The following CNTNAP2 variants were observed in gnomAD, a reference collection of about 807,000 sequenced individuals.
CNTNAP2 encodes the protein contactin-associated protein-like 2.
A neutral mutation model predicts 155.2 loss-of-function variants in CNTNAP2; 98 were observed. The ratio of observed to expected loss-of-function variants is 0.63; its 90% CI spans 0.54 to 0.75. CNTNAP2 has a LOEUF of 0.75. Ranked by LOEUF, CNTNAP2 falls within the 30% of genes least tolerant of loss-of-function variation. The pLI, the probability that CNTNAP2 is intolerant of heterozygous loss-of-function variation, is 0.00. For synonymous variants in CNTNAP2, 651 were observed against 631.2 expected (o/e 1.03, Z -0.47); for missense variants, 1,727 against 1,688.1 (o/e 1.02, Z -0.40).
chr7:147,302,036 T>C (rs1036827402), intron 9 of CNTNAP2, among the ~76,000 whole-genome samples: 4 of 152,308 alleles, frequency 2.6e-5, no homozygotes, highest in African/African-American at 9.6e-5. Context: ...AGACTCTCAA[T>C]AAATATTTGA....
At chr7:146,246,241 T>G (rs376054652) in intron 1 of CNTNAP2, among the ~76,000 whole-genome samples, 45,747 of 146,352 alleles carry the variant, frequency 0.31, 7,405 homozygotes, top group Middle Eastern at 0.41. Flanking sequence ...TAAGGTGGGG[T>G]AATACAAGAG....
At chr7:146,299,310 A>G (rs1228800350) in intron 1 of CNTNAP2, among the ~76,000 whole-genome samples, 1 of 152,122 alleles carries the variant, frequency 6.6e-6, no homozygotes, top group Non-Finnish European at 1.5e-5. Context: ...TAATACACAC[A>G]GTGTTCTTAG....
At chr7:146,958,386 T>TC (rs1797481499) in intron 3 of CNTNAP2, among the ~76,000 whole-genome samples, 2 of 151,610 alleles carry the variant, frequency 1.3e-5, no homozygotes, top group African/African-American at 4.8e-5. Flanking sequence ...TGCTTTTTTT[T>TC]CTTCACAACA....
intron 10 of CNTNAP2, among the ~76,000 whole-genome samples, chr7:147,419,577 GA>G (rs1318023911): frequency 3.3e-5 from 5 of 152,120 alleles, no homozygotes; most frequent in Admixed American, 2.6e-4. Flanking sequence ...GAGACCAAGG[GA>G]AAAAGAAGGC....
intron 3 of CNTNAP2, among the ~76,000 whole-genome samples, chr7:146,962,732 G>A (rs1425811759): frequency 6.6e-6 from 1 of 152,136 alleles, no homozygotes; most frequent in Non-Finnish European, 1.5e-5. Context: ...TGTATTTTTA[G>A]TAGAGACAGG....
chr7:148,319,556 C>T (rs1159387016), intron 21 of CNTNAP2, among the ~76,000 whole-genome samples: 1 of 152,080 alleles, frequency 6.6e-6, no homozygotes, highest in Non-Finnish European at 1.5e-5. Context: ...GAATGGCAGA[C>T]ACGCAATTGA....
intron 13 of CNTNAP2, among the ~76,000 whole-genome samples, chr7:147,883,850 TGGACA>T (rs1344572950): frequency 2.0e-5 from 3 of 152,216 alleles, no homozygotes; most frequent in Non-Finnish European, 4.4e-5. Flanking sequence ...CACCTAACTA[TGGACA>T]GGTGCTATTT....
At chr7:146,908,051 A>G (rs1327812241) in intron 3 of CNTNAP2, among the ~76,000 whole-genome samples, 4 of 152,144 alleles carry the variant, frequency 2.6e-5, no homozygotes, top group African/African-American at 9.7e-5. Context: ...AAAGAGACAA[A>G]GAAGGCCATT....
chr7:146,328,602 T>C (rs900417376), intron 1 of CNTNAP2, among the ~76,000 whole-genome samples: 2 of 151,906 alleles, frequency 1.3e-5, no homozygotes, highest in African/African-American at 4.8e-5. Flanking sequence ...CAATATATCA[T>C]TAACTAGTCA....
At chr7:146,259,759 A>G (rs1275286793) in intron 1 of CNTNAP2, among the ~76,000 whole-genome samples, 1 of 152,200 alleles carries the variant, frequency 6.6e-6, no homozygotes, top group Non-Finnish European at 1.5e-5. Context: ...GCAGAGCATA[A>G]AAGTTTGGAA....
intron 20 of CNTNAP2, among the ~76,000 whole-genome samples, chr7:148,250,971 C>T (rs770272287): frequency 3.7e-4 from 56 of 152,154 alleles, no homozygotes; most frequent in Non-Finnish European, 1.5e-4. Context: ...CCTCAGCCTC[C>T]CAAAGTGCTG....
At chr7:146,450,727 T>C (rs1796466717) in intron 1 of CNTNAP2, among the ~76,000 whole-genome samples, 1 of 152,192 alleles carries the variant, frequency 6.6e-6, no homozygotes, top group African/African-American at 2.4e-5. Context: ...GTAAAAGGCA[T>C]GTGGAATAAA....
intron 10 of CNTNAP2, among the ~76,000 whole-genome samples, chr7:147,443,331 G>C (rs1158565372): frequency 6.6e-6 from 1 of 152,124 alleles, no homozygotes; most frequent in East Asian, 1.9e-4. Context: ...TGAAATTGCT[G>C]CACGCTGTCT....
intron 1 of CNTNAP2, among the ~76,000 whole-genome samples, chr7:146,329,506 G>A (rs1801147202): frequency 6.6e-6 from 1 of 152,150 alleles, no homozygotes; most frequent in Admixed American, 6.6e-5. Context: ...TGGGAGTCCA[G>A]CAGAAGTCTT....
intron 2 of CNTNAP2, among the ~76,000 whole-genome samples, chr7:146,791,183 A>G (rs1802667744): frequency 6.6e-6 from 1 of 151,382 alleles, no homozygotes; most frequent in South Asian, 2.1e-4. Context: ...GGGTGACAAC[A>G]CGTGGTGTTT....
At chr7:147,821,591 A>G (rs1798361462) in intron 13 of CNTNAP2, among the ~76,000 whole-genome samples, 1 of 152,218 alleles carries the variant, frequency 6.6e-6, no homozygotes, top group Non-Finnish European at 1.5e-5. Context: ...AAGGTCTTCC[A>G]GTGTGGTAAC....
At chr7:148,100,404 C>T (rs971290294) in intron 15 of CNTNAP2, among the ~76,000 whole-genome samples, 2 of 152,312 alleles carry the variant, frequency 1.3e-5, no homozygotes, top group African/African-American at 4.8e-5. Flanking sequence ...AGCAAATACA[C>T]ACACATACAG....
chr7:146,589,384 T>C (rs769832231), intron 1 of CNTNAP2, among the ~76,000 whole-genome samples: 4 of 152,032 alleles, frequency 2.6e-5, no homozygotes, highest in Non-Finnish European at 4.4e-5. Flanking sequence ...ATAAAGAAAA[T>C]GTGGCACGTG....
intron 13 of CNTNAP2, among the ~76,000 whole-genome samples, chr7:147,697,917 C>A (rs1796186163): frequency 6.6e-6 from 1 of 152,174 alleles, no homozygotes; most frequent in South Asian, 2.1e-4. Flanking sequence ...GGAGAGGAAA[C>A]TTGTAGAAGT....
Sources: gnomAD v4.1 joint callset for allele counts (sites outside exome capture counted in the v4.1 genomes callset) on GRCh38, gnomAD v4.1.1 for gene constraint, MANE v1.5 for transcripts, NCBI Gene and HGNC (gene_info 2026-07-23, HGNC 2026-07-21) for gene names.